ZNF704: variants seen among roughly 807,000 people sequenced by gnomAD.
ZNF704 encodes the protein glucocorticoid induced gene 1.
ZNF704 carries 10 observed loss-of-function variants against 44.7 expected under a neutral mutation model. The observed-to-expected ratio is 0.22, with a 90% CI of 0.14 to 0.38. ZNF704 has a LOEUF of 0.38. ZNF704 is among the 10% of genes least tolerant of loss of function. The pLI is 1.00. For synonymous variants in ZNF704, 211 were observed against 207.6 expected (o/e 1.02, Z -0.14); for missense variants, 390 against 545.5 (o/e 0.71, Z 2.84).
At chr8:80,728,906 T>C (rs1037941979) in intron 2 of ZNF704, among the ~76,000 whole-genome samples, 1 of 152,150 alleles carries the variant, frequency 6.6e-6, no homozygotes, top group Non-Finnish European at 1.5e-5. Flanking sequence ...ATAAATGAAG[T>C]GACTAGTCCA....
Position 80,638,146 on chromosome 8 carries a change from A to C in ZNF704, c.*3220T>G, listed in dbSNP as rs1817689650. On this transcript the variant is annotated 3_prime_UTR_variant, in exon 9 of 9. Transcript: ENST00000327835. ...CACACTGCCTCCCACCCACCAATGCAGCACACATCTGCTGGGAAGGCCCAA... is the reference window on the plus strand; with the variant it reads ...CACACTGCCTCCCACCCACCAATGCCGCACACATCTGCTGGGAAGGCCCAA... 6.6e-6 allele frequency: 1 copy of C among 152,284 alleles called. No individual in the cohort carries two copies. Among genetic ancestry groups the C allele is most frequent in the African/African-American group, 2.4e-5 (1 of 41,430 alleles). The allele number at this position is 152,284 out of a possible 1,614,324, so 9.4% of individuals were successfully genotyped here.
At chr8:80,654,526 C>T (rs1413828130) in intron 7 of ZNF704, among the ~76,000 whole-genome samples, 34 of 152,210 alleles carry the variant, frequency 2.2e-4, no homozygotes, top group Non-Finnish European at 4.0e-4. Flanking sequence ...AAAAAGTGGG[C>T]GAAGGATATG....
chr8:80,798,172 T>C (rs1331061639), intron 2 of ZNF704, among the ~76,000 whole-genome samples: 1 of 152,168 alleles, frequency 6.6e-6, no homozygotes, highest in Non-Finnish European at 1.5e-5. Context: ...TGTCAGTTTA[T>C]AACAAGAAGG....
intron 4 of ZNF704, among the ~76,000 whole-genome samples, chr8:80,679,127 G>A (rs928904212): frequency 2.0e-5 from 3 of 152,036 alleles, no homozygotes; most frequent in Non-Finnish European, 4.4e-5. Context: ...GGTTAATAAT[G>A]GCCTTCCAAG....
chr8:80,803,675 A>C (rs1807939077), intron 2 of ZNF704, among the ~76,000 whole-genome samples: 1 of 152,208 alleles, frequency 6.6e-6, no homozygotes, highest in Non-Finnish European at 1.5e-5. Flanking sequence ...CCATATACAA[A>C]AATTAATTCA....
chr8:80,722,112 T>C (rs1585980387), intron 2 of ZNF704, among the ~76,000 whole-genome samples: 2 of 152,254 alleles, frequency 1.3e-5, no homozygotes, highest in South Asian at 4.2e-4. Flanking sequence ...TGGTGGCACA[T>C]GCCTGTAGTC....
chr8:80,795,951 G>A (rs1189104592), intron 2 of ZNF704, among the ~76,000 whole-genome samples: 1 of 152,096 alleles, frequency 6.6e-6, no homozygotes, highest in East Asian at 1.9e-4. Flanking sequence ...TGGTGGTGCT[G>A]ATGATACTAA....
chr8:80,754,789 C>T (rs1008931628), intron 2 of ZNF704, among the ~76,000 whole-genome samples: 7 of 152,162 alleles, frequency 4.6e-5, no homozygotes, highest in African/African-American at 1.4e-4. Flanking sequence ...GCTTCTCTAA[C>T]GCTGGTGCTC....
upstream of ZNF704, among the ~76,000 whole-genome samples, chr8:80,877,122 C>A (rs796922928): frequency 7.6e-6 from 1 of 130,804 alleles, no homozygotes; most frequent in East Asian, 2.5e-4. Context: ...TAGGCCACTT[C>A]AATAGACTTC....
intron 2 of ZNF704, among the ~76,000 whole-genome samples, chr8:80,797,230 C>T (rs1311388800): frequency 1.3e-5 from 2 of 152,192 alleles, no homozygotes; most frequent in African/African-American, 4.8e-5. Context: ...GCACTGCACA[C>T]AGGTAGCTTT....
chr8:80,851,613 C>T (rs538772505), intron 1 of ZNF704, among the ~76,000 whole-genome samples: 1 of 151,906 alleles, frequency 6.6e-6, no homozygotes, highest in Non-Finnish European at 1.5e-5. Context: ...TTAGGAGATA[C>T]ACCTAATGCT....
intron 2 of ZNF704, among the ~76,000 whole-genome samples, chr8:80,809,924 T>C (rs184922562): frequency 3.3e-5 from 5 of 152,242 alleles, no homozygotes; most frequent in African/African-American, 4.8e-5. Context: ...ATTTTTTCCA[T>C]GCAGCTGCCC....
chr8:80,732,856 T>C (rs1397751332), intron 2 of ZNF704, among the ~76,000 whole-genome samples: 1 of 149,120 alleles, frequency 6.7e-6, no homozygotes, highest in Non-Finnish European at 1.5e-5. Context: ...CTCGAGAGGC[T>C]GAGGCAGGAG....
At chr8:80,837,381 T>C (rs1808600635) in intron 1 of ZNF704, among the ~76,000 whole-genome samples, 1 of 152,228 alleles carries the variant, frequency 6.6e-6, no homozygotes, top group Non-Finnish European at 1.5e-5. Flanking sequence ...TTTTAAATTA[T>C]GGGACTTTGA....
intron 2 of ZNF704, among the ~76,000 whole-genome samples, chr8:80,694,659 A>G (rs1384405548): frequency 6.6e-6 from 1 of 152,230 alleles, no homozygotes; most frequent in Non-Finnish European, 1.5e-5. Flanking sequence ...GGAGAAAAAA[A>G]CAAATGGTTC....
intron 4 of ZNF704, among the ~76,000 whole-genome samples, chr8:80,678,469 T>C (rs1818404099): frequency 1.3e-5 from 2 of 152,338 alleles, no homozygotes; most frequent in East Asian, 1.9e-4. Context: ...ATCTTTAAAT[T>C]TGAGGGCAAT....
intron 5 of ZNF704, 124 bp downstream of exon 5, chr8:80,670,379 A>AG: frequency 1.5e-6 from 1 of 679,104 alleles, no homozygotes. Flanking sequence ...TCTAGAGATT[A>AG]GGAAGACCAA....
At chr8:80,775,776 G>C (rs1398543567) in intron 2 of ZNF704, among the ~76,000 whole-genome samples, 1 of 152,170 alleles carries the variant, frequency 6.6e-6, no homozygotes, top group Non-Finnish European at 1.5e-5. Flanking sequence ...CAACTCCAGA[G>C]TGAAATGGCA....
chr8:80,725,037 T>C (rs1177677491), intron 2 of ZNF704, among the ~76,000 whole-genome samples: 2 of 152,188 alleles, frequency 1.3e-5, no homozygotes, highest in Non-Finnish European at 2.9e-5. Context: ...CTCCTACCCC[T>C]TCACCAAAGT....
Sources: allele counts gnomAD v4.1 joint callset (sites outside exome capture counted in the v4.1 genomes callset), GRCh38; gene constraint gnomAD v4.1.1; transcripts MANE v1.5; gene names NCBI Gene and HGNC (gene_info 2026-07-23, HGNC 2026-07-21).